SOX6: variants seen among roughly 807,000 people sequenced by gnomAD.
SOX6 encodes the protein SRY-box transcription factor 6.
Under a neutral mutation model 97.8 loss-of-function variants are expected in SOX6, and 11 were observed. That is an observed-to-expected ratio of 0.11 (90% CI 0.07 to 0.19). The LOEUF (loss-of-function observed/expected upper bound fraction) is 0.19. Among genes scored for constraint, SOX6 ranks in the 10% least tolerant of loss-of-function variants. The pLI is 1.00. For synonymous variants in SOX6, 360 were observed against 371.4 expected (o/e 0.97, Z 0.35); for missense variants, 810 against 1,039.5 (o/e 0.78, Z 3.04).
chr11:16,409,874 C>A (rs1444667219), intron 1 of SOX6, among the ~76,000 whole-genome samples: 1 of 151,250 alleles, frequency 6.6e-6, no homozygotes, highest in East Asian at 1.9e-4. Context: ...TAACTCAAGG[C>A]CAAGAGGAAG....
intron 13 of SOX6, among the ~76,000 whole-genome samples, chr11:16,012,612 G>A (rs1163944899): frequency 6.6e-6 from 1 of 152,002 alleles, no homozygotes; most frequent in Non-Finnish European, 1.5e-5. Flanking sequence ...GAGGAAATGG[G>A]CTGTACTGAG....
intron 4 of SOX6, among the ~76,000 whole-genome samples, chr11:16,504,170 C>G (rs887102020): frequency 6.6e-6 from 1 of 151,962 alleles, no homozygotes; most frequent in Non-Finnish European, 1.5e-5. Context: ...GGACTTTCCT[C>G]TAATAACTAG....
intron 4 of SOX6, among the ~76,000 whole-genome samples, chr11:16,188,091 G>T (rs1428193710): frequency 6.6e-6 from 1 of 151,900 alleles, no homozygotes; most frequent in Non-Finnish European, 1.5e-5. Flanking sequence ...TTTTAAAGTA[G>T]CCCAAAGGAG....
At chr11:16,019,102 A>G (rs1333559080) in intron 12 of SOX6, among the ~76,000 whole-genome samples, 1 of 152,072 alleles carries the variant, frequency 6.6e-6, no homozygotes, top group Non-Finnish European at 1.5e-5. Flanking sequence ...CATCTCCTGA[A>G]AAACAACACG....
intron 1 of SOX6, among the ~76,000 whole-genome samples, chr11:16,469,817 TA>T (rs1860107472): frequency 6.6e-6 from 1 of 152,078 alleles, no homozygotes; most frequent in Admixed American, 6.5e-5. Flanking sequence ...CTATTAAAAA[TA>T]TTTTTTTCTC....
chr11:16,123,858 G>T (rs1849549851), intron 6 of SOX6, among the ~76,000 whole-genome samples: 1 of 152,034 alleles, frequency 6.6e-6, no homozygotes, highest in Non-Finnish European at 1.5e-5. Flanking sequence ...CGCTGTTAAA[G>T]AAGGTAAGGT....
At chr11:16,385,154 AAC>A (rs1170797992) in intron 1 of SOX6, among the ~76,000 whole-genome samples, 1 of 152,118 alleles carries the variant, frequency 6.6e-6, no homozygotes, top group African/African-American at 2.4e-5. Flanking sequence ...AACTAAATGA[AAC>A]AGTCACACAG....
At position 16,270,805 on chromosome 11, in the gene SOX6, A is replaced by G. The variant is rs146574162; in HGVS notation, c.446-36134T>C. On this transcript the variant is annotated intron_variant, in intron 3 of 15. Coordinates refer to ENST00000683767, the MANE Select transcript of SOX6 (RefSeq NM_001367873.1). ...ATATTATATAATTCTACCTAGTCAT[A>G]TCTAGAATAAGTAGATTCATAGAGA... 5.3e-3 allele frequency among the ~76,000 whole-genome samples: 800 copies of G among 151,550 alleles called. 6 individuals carry two copies. The highest frequency in any genetic ancestry group is 0.017 in the African/African-American group (719 of 41,500).
intron 3 of SOX6, among the ~76,000 whole-genome samples, chr11:16,708,484 C>T (rs1029207164): frequency 6.6e-6 from 1 of 152,036 alleles, no homozygotes; most frequent in South Asian, 2.1e-4. Flanking sequence ...AAAAATATAC[C>T]TACATTTTTT....
At position 16,607,603 on chromosome 11, in the gene SOX6, C is replaced by A. The variant is rs1320411055; in HGVS notation, n.609+4478G>T. ...GCAGCGCAGAGCGGCAGAAGTTTGCCGCCGGGGTTCCAGGAGGTGCGCGCG... is the reference window on the plus strand; with the variant it reads ...GCAGCGCAGAGCGGCAGAAGTTTGCAGCCGGGGTTCCAGGAGGTGCGCGCG... On this transcript the variant is annotated intron_variant and non_coding_transcript_variant, in intron 4 of 5. Coordinates refer to the SOX6 transcript ENST00000524520. The surrounding 1 kb of genome is among the most constrained non-coding windows in gnomAD (Gnocchi z 6.5). 6.6e-6 allele frequency: 1 copy of A among 152,302 alleles called. No individual in the cohort carries two copies. The highest frequency in any genetic ancestry group is 1.5e-5 in the Non-Finnish European group (1 of 68,164). The allele number at this position is 152,302 out of a possible 1,614,324, so 9.4% of individuals were successfully genotyped here.
intron 1 of SOX6, among the ~76,000 whole-genome samples, chr11:16,413,901 C>T (rs1027289526): frequency 1.3e-5 from 2 of 152,106 alleles, no homozygotes; most frequent in Non-Finnish European, 2.9e-5. Flanking sequence ...TATGCTCACC[C>T]AATTCTTTCC....
intron 1 of SOX6, among the ~76,000 whole-genome samples, chr11:16,471,491 C>T (rs904643484): frequency 6.6e-6 from 1 of 152,120 alleles, no homozygotes; most frequent in Non-Finnish European, 1.5e-5. Context: ...CTTCCCATGG[C>T]CATGAGGTAT....
chr11:16,620,595 A>G (rs1848532480), intron 3 of SOX6, among the ~76,000 whole-genome samples: 1 of 152,196 alleles, frequency 6.6e-6, no homozygotes, highest in Non-Finnish European at 1.5e-5. Flanking sequence ...TACAAGATGT[A>G]TTCAAGGTTT....
intron 4 of SOX6, among the ~76,000 whole-genome samples, chr11:16,492,826 T>G (rs989703715): frequency 1.3e-5 from 2 of 152,180 alleles, no homozygotes; most frequent in Non-Finnish European, 2.9e-5. Flanking sequence ...AAAAACGGAT[T>G]CATAAAAGAG....
chr11:16,213,541 A>C (rs765323096), intron 4 of SOX6, among the ~76,000 whole-genome samples: 1 of 152,192 alleles, frequency 6.6e-6, no homozygotes, highest in Non-Finnish European at 1.5e-5. Flanking sequence ...TTGATGAAGG[A>C]AAGATAGAAG....
In SOX6 at chr11:16,457,568, G is replaced by A. The variant is rs1204948239; in HGVS notation, c.-5+18747C>T. Among the ~76,000 whole-genome samples the A allele has an allele frequency of 2.6e-5, 4 of 152,150 alleles. No individual in the cohort carries two copies. The East Asian group carries it at 7.7e-4, about 29-fold the overall frequency. On this transcript the variant is annotated intron_variant, in intron 1 of 15. Coordinates refer to the SOX6 transcript ENST00000396356. ...CCCATTTAACAGATGAAGGAATTGT[G>A]ACTCAGGCCACGTAATTTGATCAGA...
chr11:16,185,570 T>C (rs1228022575), intron 5 of SOX6, among the ~76,000 whole-genome samples: 2 of 152,302 alleles, frequency 1.3e-5, no homozygotes, highest in Admixed American at 6.5e-5. Flanking sequence ...TGCCAATAGG[T>C]TGAGCTACAT....
At chr11:16,282,864 A>G (rs1270934964) in intron 3 of SOX6, among the ~76,000 whole-genome samples, 1 of 150,442 alleles carries the variant, frequency 6.6e-6, no homozygotes, top group Non-Finnish European at 1.5e-5. Context: ...TTTAAAATTA[A>G]TGTTCTTACT....
At chr11:16,484,107 G>A in intron 4 of SOX6, 1 of 770,256 alleles carries the variant, frequency 1.3e-6, no homozygotes, top group Admixed American at 1.7e-5. Context: ...ATGAGGTACA[G>A]GTGACACTCA....
Sources: gnomAD v4.1 joint callset for allele counts (sites outside exome capture counted in the v4.1 genomes callset) on GRCh38, gnomAD v4.1.1 for gene constraint, Gnocchi (gnomAD v3.1) non-coding constraint, MANE v1.5 for transcripts, NCBI Gene and HGNC (gene_info 2026-07-23, HGNC 2026-07-21) for gene names.